FHIT: variants seen among roughly 807,000 people sequenced by gnomAD.
FHIT encodes the protein bis(5'-adenosyl)-triphosphatase.
Under a neutral mutation model 17.9 loss-of-function variants are expected in FHIT, and 19 were observed. The observed-to-expected ratio is 1.06, with a 90% CI of 0.74 to 1.56. The LOEUF is 1.56. Ranked by LOEUF, FHIT falls within the 40% of genes most tolerant of loss-of-function variation. The pLI, the probability that FHIT is intolerant of heterozygous loss-of-function variation, is 0.00. For synonymous variants in FHIT, 81 were observed against 69.7 expected, an observed-to-expected ratio of 1.16 and a Z score of -0.81; for missense variants, 248 against 189.2, an observed-to-expected ratio of 1.31 and a Z score of -1.82.
chr3:60,219,145 A>T (rs1703840314), intron 5 of FHIT, among the ~76,000 whole-genome samples: 1 of 151,998 alleles, frequency 6.6e-6, no homozygotes, highest in African/African-American at 2.4e-5. Context: ...AAATTATCTA[A>T]TTTCCTACTG....
In FHIT at chr3:60,560,928, G is replaced by A. The variant is rs1395024424; in HGVS notation, c.-17-23949C>T. ...AAGGGACACAGAGCCAGGGACTAAA[G>A]AGAAAAGTCCCTTCCTGTGAAAAGA... On this transcript the variant is annotated intron_variant, in intron 4 of 9. Transcript: ENST00000492590. Among the ~76,000 whole-genome samples, 13 of 151,700 alleles carry A rather than the reference G, an allele frequency of 8.6e-5. 1 individual carries two copies. The highest frequency in any genetic ancestry group is 8.5e-4 in the Admixed American group (13 of 15,234).
At chr3:60,150,945 A>T (rs1338890913) in intron 5 of FHIT, among the ~76,000 whole-genome samples, 2 of 152,062 alleles carry the variant, frequency 1.3e-5, no homozygotes, top group Non-Finnish European at 2.9e-5. Flanking sequence ...TTTAATTTTT[A>T]AAAATCAGCA....
Position 60,735,225 on chromosome 3 carries a change from A to T in FHIT, c.-18+86694T>A, listed in dbSNP as rs935763369. ...GTAAATGATAAATGATCAAGGCCCA[A>T]GGAAAAAACTGCATAGCACAATGGA... is the stretch of plus-strand genomic sequence containing the variant. On this transcript the variant is annotated intron_variant, in intron 4 of 9. Transcript: ENST00000492590. 1.4e-4 allele frequency among the ~76,000 whole-genome samples: 21 copies of T among 152,336 alleles called. No individual in the cohort carries two copies. The South Asian group carries it at 3.5e-3, about 26-fold the overall frequency.
intron 8 of FHIT, among the ~76,000 whole-genome samples, chr3:59,789,025 C>A (rs778264370): frequency 6.6e-6 from 1 of 152,222 alleles, no homozygotes; most frequent in East Asian, 1.9e-4. Flanking sequence ...TGATATCGCA[C>A]TGCGTGCTAG....
chr3:61,154,497 G>T (rs963594331), intron 2 of FHIT, among the ~76,000 whole-genome samples: 1 of 152,044 alleles, frequency 6.6e-6, no homozygotes, highest in African/African-American at 2.4e-5. Flanking sequence ...CCTTCTGCCT[G>T]CAGTAGCCTT....
At chr3:60,431,445 C>T (rs896940958) in intron 5 of FHIT, among the ~76,000 whole-genome samples, 15 of 152,076 alleles carry the variant, frequency 9.9e-5, no homozygotes, top group Non-Finnish European at 4.4e-5. Flanking sequence ...GTGTAGCTGT[C>T]GCTGGCTGTT....
intron 8 of FHIT, among the ~76,000 whole-genome samples, chr3:59,885,459 A>G (rs1164248734): frequency 7.7e-6 from 1 of 129,692 alleles, no homozygotes; most frequent in African/African-American, 3.8e-5. Flanking sequence ...TTTTTTTTTT[A>G]ACGATTGATG....
At chr3:59,946,783 T>A (rs909301809) in intron 7 of FHIT, among the ~76,000 whole-genome samples, 1 of 152,168 alleles carries the variant, frequency 6.6e-6, no homozygotes, top group African/African-American at 2.4e-5. Context: ...GTGGTTTTTG[T>A]TTTTAGTTCT....
chr3:61,195,841 T>C (rs2038838108), intron 2 of FHIT, among the ~76,000 whole-genome samples: 1 of 152,166 alleles, frequency 6.6e-6, no homozygotes, highest in African/African-American at 2.4e-5. Flanking sequence ...GACCCACCTA[T>C]GAAATTGACA....
chr3:60,817,746 A>G (rs2594148), intron 4 of FHIT, among the ~76,000 whole-genome samples: 128,987 of 152,002 alleles, frequency 0.85, 55,583 homozygotes, highest in East Asian at 0.94. Context: ...CCCATTTGGG[A>G]TTCACTGCAT....
intron 5 of FHIT, among the ~76,000 whole-genome samples, chr3:60,074,618 T>G (rs1702924687): frequency 6.6e-6 from 1 of 151,784 alleles, no homozygotes; most frequent in Non-Finnish European, 1.5e-5. Context: ...ATCACTGAGG[T>G]CACGTTGTTA....
chr3:60,478,599 C>A (rs1310311560), intron 5 of FHIT, among the ~76,000 whole-genome samples: 2 of 152,124 alleles, frequency 1.3e-5, no homozygotes, highest in Admixed American at 6.5e-5. Context: ...ATGATGACAG[C>A]TTCAAGAGCA....
intron 7 of FHIT, among the ~76,000 whole-genome samples, chr3:60,009,873 C>A (rs1700074577): frequency 6.6e-6 from 1 of 152,172 alleles, no homozygotes; most frequent in Non-Finnish European, 1.5e-5. Flanking sequence ...CAAATATTTT[C>A]TATCCCGCTT....
At chr3:61,058,406 T>C (rs765966111) in intron 2 of FHIT, among the ~76,000 whole-genome samples, 15 of 152,222 alleles carry the variant, frequency 9.9e-5, no homozygotes, top group Non-Finnish European at 2.1e-4. Flanking sequence ...GGAGGAAAGA[T>C]ATGAATAGTG....
At chr3:60,439,242 T>C (rs544949036) in intron 5 of FHIT, among the ~76,000 whole-genome samples, 5 of 152,212 alleles carry the variant, frequency 3.3e-5, no homozygotes, top group Non-Finnish European at 5.9e-5. Flanking sequence ...AATTCATATT[T>C]AAGGAGGTCT....
chr3:61,169,966 C>CA (rs1400829280), intron 2 of FHIT, among the ~76,000 whole-genome samples: 1 of 152,132 alleles, frequency 6.6e-6, no homozygotes, highest in Non-Finnish European at 1.5e-5. Flanking sequence ...ACTTAGACAT[C>CA]AAGGGTGGGG....
intron 3 of FHIT, among the ~76,000 whole-genome samples, chr3:60,918,510 A>C (rs7630291): frequency 0.27 from 41,483 of 152,106 alleles, 5,786 homozygotes; most frequent in Middle Eastern, 0.36. Flanking sequence ...ATCAAAAGCC[A>C]ACATGAGTAG....
intron 5 of FHIT, among the ~76,000 whole-genome samples, chr3:60,285,179 A>G (rs1489234319): frequency 1.3e-5 from 2 of 152,118 alleles, no homozygotes; most frequent in Non-Finnish European, 1.5e-5. Flanking sequence ...ATGTTGGTAT[A>G]TATTTATTCT....
intron 5 of FHIT, among the ~76,000 whole-genome samples, chr3:60,158,607 C>T (rs189224819): frequency 9.2e-5 from 14 of 152,254 alleles, no homozygotes; most frequent in Non-Finnish European, 1.8e-4. Flanking sequence ...CCACCGCGCC[C>T]GGCCTCATAC....
Sources: gnomAD v4.1 joint callset for allele counts (sites outside exome capture counted in the v4.1 genomes callset) on GRCh38, gnomAD v4.1.1 for gene constraint, MANE v1.5 for transcripts, NCBI Gene and HGNC (gene_info 2026-07-23, HGNC 2026-07-21) for gene names.